APPBP2: variants seen among roughly 807,000 people sequenced by gnomAD.
The protein encoded by APPBP2 is amyloid beta precursor protein binding protein 2, also known as amyloid protein-binding protein 2.
In APPBP2, 15 loss-of-function variants were observed where a neutral mutation model predicts 76.0. That is an observed-to-expected ratio of 0.20 (90% confidence interval 0.13 to 0.30). APPBP2 has a LOEUF of 0.30. Among genes scored for constraint, APPBP2 ranks in the 10% least tolerant of loss-of-function variants. APPBP2 has a pLI of 1.00. For missense variants in APPBP2, 401 were observed against 687.2 expected, an observed-to-expected ratio of 0.58 and a Z score of 4.66; for synonymous variants, 222 against 242.2, an observed-to-expected ratio of 0.92 and a Z score of 0.77.
chr17:60,450,348 G>C (rs1446268174), intron 12 of APPBP2, among the ~76,000 whole-genome samples: 4 of 151,100 alleles, frequency 2.6e-5, no homozygotes, highest in African/African-American at 9.8e-5. Context: ...TGAGGCAGTA[G>C]AATTGCTTGA....
chr17:60,522,540 C>T (rs1241169763), intron 1 of APPBP2, among the ~76,000 whole-genome samples: 4 of 152,188 alleles, frequency 2.6e-5, no homozygotes, highest in East Asian at 3.9e-4. Flanking sequence ...AGGCTGGTCT[C>T]GAACTCCTGT....
chr17:60,473,229 T>C (rs915112204), intron 4 of APPBP2, among the ~76,000 whole-genome samples: 1 of 152,192 alleles, frequency 6.6e-6, no homozygotes, highest in Non-Finnish European at 1.5e-5. Context: ...CCACCCTAGT[T>C]TGGAAGTTCT....
chr17:60,458,767 C>A lies in APPBP2; in HGVS notation c.1061+1896G>T, dbSNP rs139005081. Reference sequence around the variant, plus strand: ...TTACAGCATCAACCAAAAAGAAGTTCTGGTTTTTTTTTTTGTTTTTTTTTT... The same window carrying A: ...TTACAGCATCAACCAAAAAGAAGTTATGGTTTTTTTTTTTGTTTTTTTTTT... On this transcript the variant is annotated intron_variant, in intron 9 of 12. Transcript: ENST00000083182. 9.0e-3 allele frequency among the ~76,000 whole-genome samples: 1,347 copies of A among 149,060 alleles called. 14 individuals are homozygous for A. Among genetic ancestry groups the A allele is most frequent in the Middle Eastern group, 0.014 (4 of 294 alleles).
chr17:60,524,399 T>G (rs867240913), intron 1 of APPBP2, among the ~76,000 whole-genome samples: 1 of 152,134 alleles, frequency 6.6e-6, no homozygotes, highest in African/African-American at 2.4e-5. Flanking sequence ...GTATCTTAAA[T>G]GAACAAAATT....
chr17:60,489,631 A>G (rs915478954), intron 3 of APPBP2, among the ~76,000 whole-genome samples: 1 of 151,018 alleles, frequency 6.6e-6, no homozygotes, highest in Non-Finnish European at 1.5e-5. Context: ...AAAAAAAAAA[A>G]GATTAAAAAT....
chr17:60,494,453 C>T lies in APPBP2; in HGVS notation c.379+13G>A, dbSNP rs16944445. ...ATCACAGGACAAAATACTTCTGTTC[C>T]ACCATTACTTACCTAAAACAAAGCC... is the stretch of plus-strand genomic sequence containing the variant. On this transcript the variant is annotated intron_variant, in intron 3 of 12. Transcript: ENST00000083182. 24,801 of 1,601,328 alleles carry T rather than the reference C, an allele frequency of 0.015. 3,225 individuals carry two copies. In the African/African-American group the frequency reaches 0.29, roughly 19 times the overall value.
intron 1 of APPBP2, among the ~76,000 whole-genome samples, chr17:60,521,996 A>C (rs2091013404): frequency 6.6e-6 from 1 of 152,182 alleles, no homozygotes; most frequent in Non-Finnish European, 1.5e-5. Context: ...TATCCCACAT[A>C]ACCTAGGTGT....
At chr17:60,516,543 C>T (rs2090965613) in intron 1 of APPBP2, among the ~76,000 whole-genome samples, 1 of 152,154 alleles carries the variant, frequency 6.6e-6, no homozygotes, top group African/African-American at 2.4e-5. Flanking sequence ...CATATTATTT[C>T]AAGTAGTTGT....
At chr17:60,458,862 T>C (rs2090453441) in intron 9 of APPBP2, among the ~76,000 whole-genome samples, 1 of 151,014 alleles carries the variant, frequency 6.6e-6, no homozygotes, top group African/African-American at 2.4e-5. Flanking sequence ...AACCTCCGAC[T>C]CCCGGGTTCA....
intron 3 of APPBP2, among the ~76,000 whole-genome samples, chr17:60,490,230 T>C (rs1026618151): frequency 1.3e-5 from 2 of 152,150 alleles, no homozygotes; most frequent in Non-Finnish European, 2.9e-5. Flanking sequence ...GTAGTCTAGT[T>C]AATGGTATAA....
chr17:60,471,000 T>C (rs1181560928), intron 4 of APPBP2, among the ~76,000 whole-genome samples: 1 of 152,062 alleles, frequency 6.6e-6, no homozygotes, highest in East Asian at 1.9e-4. Context: ...TTTTATCATG[T>C]TGGCCAGACT....
intron 4 of APPBP2, among the ~76,000 whole-genome samples, chr17:60,470,912 T>TCA (rs1448046423): frequency 1.3e-5 from 2 of 151,842 alleles, no homozygotes; most frequent in East Asian, 3.9e-4. Context: ...TGCCTCAGCC[T>TCA]CCTGAGTAGC....
At chr17:60,472,828 G>A (rs1199015613) in intron 4 of APPBP2, among the ~76,000 whole-genome samples, 1 of 152,046 alleles carries the variant, frequency 6.6e-6, no homozygotes, top group African/African-American at 2.4e-5. Flanking sequence ...CAAAGTTTTT[G>A]TACTTTTAAG....
chr17:60,452,139 T>C, intron 11 of APPBP2, 94 bp from the exon 12 acceptor site: 2 of 1,236,136 alleles, frequency 1.6e-6, no homozygotes, highest in East Asian at 2.3e-5. Flanking sequence ...GCCAAAGACA[T>C]CTTATGAATG....
chr17:60,483,049 A>C (rs1294215874), intron 3 of APPBP2, among the ~76,000 whole-genome samples: 1 of 152,210 alleles, frequency 6.6e-6, no homozygotes, highest in Admixed American at 6.5e-5. Context: ...TCCCACCAAC[A>C]GTGTAAAAGT....
intron 1 of APPBP2, among the ~76,000 whole-genome samples, chr17:60,503,998 T>G (rs1172253382): frequency 6.6e-6 from 1 of 152,196 alleles, no homozygotes; most frequent in Non-Finnish European, 1.5e-5. Context: ...ATGGACAATT[T>G]AAAATATTTT....
chr17:60,481,607 G>C (rs560180479), intron 3 of APPBP2, among the ~76,000 whole-genome samples: 1 of 152,246 alleles, frequency 6.6e-6, no homozygotes, highest in Non-Finnish European at 1.5e-5. Flanking sequence ...TCTAGAGCAT[G>C]ACAAAGTCAA....
chr17:60,512,593 T>C (rs1488086163), intron 1 of APPBP2, among the ~76,000 whole-genome samples: 1 of 151,114 alleles, frequency 6.6e-6, no homozygotes, highest in Non-Finnish European at 1.5e-5. Context: ...TCCCAACACT[T>C]TGGGAGGCTG....
chr17:60,461,596 C>A, intron 8 of APPBP2: 1 of 433,636 alleles, frequency 2.3e-6, no homozygotes, highest in Non-Finnish European at 4.1e-6. Context: ...AGCTCACAAC[C>A]CAATAATTCC....
Sources: allele counts gnomAD v4.1 joint callset (sites outside exome capture counted in the v4.1 genomes callset), GRCh38; gene constraint gnomAD v4.1.1; transcripts MANE v1.5; gene names NCBI Gene and HGNC (gene_info 2026-07-23, HGNC 2026-07-21).